The following AGR2 variants were observed in gnomAD, a reference collection of about 807,000 sequenced individuals.
AGR2 encodes anterior gradient 2, protein disulphide isomerase family member, also known as anterior gradient protein 2 homolog.
AGR2 carries 27 observed loss-of-function variants against 25.9 expected under a neutral mutation model. That is an observed-to-expected ratio of 1.04 (90% CI 0.77 to 1.44). The LOEUF (loss-of-function observed/expected upper bound fraction) is 1.44, where lower values mean the gene tolerates loss of function less well. Among genes scored for constraint, AGR2 ranks in the 40% most tolerant of loss-of-function variants. AGR2 has a pLI of 0.00. For missense variants in AGR2, 182 were observed against 200.9 expected (o/e 0.91, Z 0.57); for synonymous variants, 78 against 72.0 (o/e 1.08, Z -0.42).
At chr7:16,798,150 G>A (rs1359018364) in intron 5 of AGR2, among the ~76,000 whole-genome samples, 1 of 152,208 alleles carries the variant, frequency 6.6e-6, no homozygotes, top group African/African-American at 2.4e-5. Context: ...AGAGATACAG[G>A]TAGGAAAATG....
At chr7:16,800,818 G>C (rs1356192963) in intron 4 of AGR2, among the ~76,000 whole-genome samples, 1 of 152,226 alleles carries the variant, frequency 6.6e-6, no homozygotes, top group Non-Finnish European at 1.5e-5. Flanking sequence ...TTGGGGCCCT[G>C]TGAGATGGCA....
chr7:16,799,429 A>T (rs1785103440), intron 5 of AGR2: 1 of 236,950 alleles, frequency 4.2e-6, no homozygotes, highest in Non-Finnish European at 8.2e-6. Flanking sequence ...AGGATTAAGA[A>T]TGGGTGTAGA....
rs866903433 is a variant in AGR2, at chr7:16,792,619, G to A, written c.*289C>T. The stretch of plus-strand genomic sequence containing the variant: ...GTGTGTTTAATCCTATTTGGTAAAC[G>A]AACCACTGTGAAAGACCAAGTTGGA... On this transcript the variant is annotated 3_prime_UTR_variant, in exon 8 of 8. Coordinates refer to ENST00000419304, the MANE Select transcript of AGR2 (RefSeq NM_006408.4). The A allele has an allele frequency of 2.0e-5, 7 of 358,112 alleles. No homozygotes were observed. Among genetic ancestry groups the A allele is most frequent in the African/African-American group, 8.3e-5 (4 of 48,130 alleles). 22.2% of individuals were successfully genotyped at this position (358,112 alleles called of 1,614,324 possible). A position where few individuals can be genotyped will look rare whatever the true frequency, so the allele number is the denominator to read the frequency against.
Position 16,804,249 on chromosome 7 carries a change from GACACACACAGACATAGGTACACACAC to G in AGR2, c.-8+660_-8+685del, listed in dbSNP as rs1181049862. ...CCATGGAAAATATTGATAATTTGGA[GACACACACAGACATAGGTACACACAC>G]ACACACACACACACACACACACATT... On this transcript the variant is annotated intron_variant, in intron 1 of 7. Coordinates refer to ENST00000419304, the MANE Select transcript of AGR2 (RefSeq NM_006408.4). Among the ~76,000 whole-genome samples the G allele has an allele frequency of 4.3e-4, 64 of 147,552 alleles. No homozygotes were observed. In the East Asian group the frequency reaches 7.4e-3, roughly 17 times the overall value.
chr7:16,803,481 T>A (rs1785182994), intron 1 of AGR2, among the ~76,000 whole-genome samples: 1 of 152,178 alleles, frequency 6.6e-6, no homozygotes, highest in African/African-American at 2.4e-5. Context: ...TAATCTAATA[T>A]CTTGAGTGGA....
At chr7:16,800,193 T>C (rs918246810) in intron 4 of AGR2, among the ~76,000 whole-genome samples, 1 of 152,250 alleles carries the variant, frequency 6.6e-6, no homozygotes, top group African/African-American at 2.4e-5. Context: ...AAGTAGATGA[T>C]ACTTTCAGGT....
intron 1 of AGR2, among the ~76,000 whole-genome samples, chr7:16,802,319 A>G (rs1332053875): frequency 6.6e-6 from 1 of 152,196 alleles, no homozygotes; most frequent in African/African-American, 2.4e-5. Flanking sequence ...GTTTGGTACT[A>G]ATGTGCGGTT....
intron 1 of AGR2, among the ~76,000 whole-genome samples, chr7:16,802,499 G>A (rs990470998): frequency 6.6e-6 from 1 of 152,176 alleles, no homozygotes; most frequent in Non-Finnish European, 1.5e-5. Context: ...CCATTTTATA[G>A]TAAAGTGTTA....
intron 7 of AGR2, 94 bp downstream of exon 7, chr7:16,794,842 C>G: frequency 1.3e-6 from 2 of 1,590,270 alleles, no homozygotes; most frequent in Non-Finnish European, 1.7e-6. Context: ...AAGCCTAGCT[C>G]TCTCTCACCT....
At chr7:16,794,641 T>G in intron 7 of AGR2, 1 of 595,810 alleles carries the variant, frequency 1.7e-6, no homozygotes, top group Non-Finnish European at 2.9e-6. Flanking sequence ...AAGGAGTGTG[T>G]GCTCGTGTAC....
intron 6 of AGR2, 151 bp downstream of exon 6, chr7:16,797,480 G>T (rs1785067122): frequency 3.5e-6 from 2 of 566,016 alleles, no homozygotes; most frequent in Non-Finnish European, 6.3e-6. Flanking sequence ...AAGAAAATAT[G>T]TTGCGGAACT....
At chr7:16,801,457 A>G in intron 2 of AGR2, 74 bp from the exon 3 acceptor site, 2 of 1,426,174 alleles carry the variant, frequency 1.4e-6, no homozygotes, top group Non-Finnish European at 2.0e-6. Context: ...GCAATGGTAA[A>G]GACTGGGATA....
At chr7:16,793,584 T>A (rs1349191569) in intron 7 of AGR2, among the ~76,000 whole-genome samples, 1 of 152,222 alleles carries the variant, frequency 6.6e-6, no homozygotes, top group African/African-American at 2.4e-5. Flanking sequence ...TGTCTATTAG[T>A]AGGTGTGTGT....
At position 16,801,731 on chromosome 7, in the gene AGR2, A is replaced by G. The variant is rs113858091; in HGVS notation, c.66T>C (p.Asp22=). ...TTTTGGCTCCAGGTTTGACTGTGGT[A>G]TCTCTGGCCAGAGTGTAGGAGAGGG... ...LVALSYTLAR[D]TTVKPGAKKD... The change falls in exon 2 of 8, where the codon GAT becomes GAC. Residue 22 remains aspartate, a synonymous_variant. Transcript: ENST00000419304. 5 of 1,613,592 alleles carry G rather than the reference A, an allele frequency of 3.1e-6. No individual in the cohort carries two copies. The highest frequency in any genetic ancestry group is 3.4e-6 in the Non-Finnish European group (4 of 1,179,950).
At chr7:16,801,913 AG>A in intron 1 of AGR2, 110 bp from the exon 2 acceptor site, 1 of 871,178 alleles carries the variant, frequency 1.1e-6, no homozygotes. Flanking sequence ...GGCTCTGCTG[AG>A]ACTGGACATA....
chr7:16,801,074 A>G (rs981700147), intron 4 of AGR2, 77 bp downstream of exon 4: 4 of 1,155,266 alleles, frequency 3.5e-6, no homozygotes, highest in Non-Finnish European at 5.0e-6. Context: ...TTCTAAAGAT[A>G]CAAACATGAG....
At chr7:16,802,410 A>G (rs1415866840) in intron 1 of AGR2, among the ~76,000 whole-genome samples, 1 of 152,158 alleles carries the variant, frequency 6.6e-6, no homozygotes, top group Non-Finnish European at 1.5e-5. Flanking sequence ...CCCACTGAAC[A>G]CCACAGCTGA....
At chr7:16,797,320 C>T (rs184489687) in intron 6 of AGR2, among the ~76,000 whole-genome samples, 97 of 152,228 alleles carry the variant, frequency 6.4e-4, no homozygotes, top group Non-Finnish European at 1.3e-3. Flanking sequence ...TATTTGCAGG[C>T]CTCTCGTATT....
intron 5 of AGR2, among the ~76,000 whole-genome samples, chr7:16,798,536 A>G (rs1785087784): frequency 6.6e-6 from 1 of 152,214 alleles, no homozygotes; most frequent in South Asian, 2.1e-4. Context: ...GTTAAGAACC[A>G]CTGGAGGGAT....
Sources: allele counts gnomAD v4.1 joint callset (sites outside exome capture counted in the v4.1 genomes callset), GRCh38; gene constraint gnomAD v4.1.1; transcripts MANE v1.5; gene names NCBI Gene and HGNC (gene_info 2026-07-23, HGNC 2026-07-21).